KATNIP: variants seen among roughly 807,000 people sequenced by gnomAD.
KATNIP encodes katanin-interacting protein.
A neutral mutation model predicts 174.0 loss-of-function variants in KATNIP; 126 were observed. The observed-to-expected ratio is 0.72, with a 90% confidence interval of 0.63 to 0.84. The LOEUF is 0.84. Ranked by LOEUF, KATNIP falls within the 40% of genes least tolerant of loss-of-function variation. The probability of loss-of-function intolerance (pLI) is 0.00; values close to 1 mark genes in which losing one functional copy is unlikely to be tolerated. For synonymous variants in KATNIP, 810 were observed against 835.7 expected (o/e 0.97, Z 0.53); for missense variants, 1,958 against 2,109.7 (o/e 0.93, Z 1.41).
At chr16:27,713,816 A>G (rs1426798951) in intron 13 of KATNIP, among the ~76,000 whole-genome samples, 29 of 28,020 alleles carry the variant, frequency 1.0e-3, no homozygotes, top group African/African-American at 6.8e-3. Flanking sequence ...ATACATATAT[A>G]TATATATATA....
At chr16:27,707,601 A>G (rs941202799) in intron 12 of KATNIP, among the ~76,000 whole-genome samples, 3 of 152,266 alleles carry the variant, frequency 2.0e-5, no homozygotes, top group African/African-American at 7.2e-5. Flanking sequence ...GTCCAAGGCC[A>G]GGGGGCCATG....
chr16:27,551,845 T>G (rs2089386453), intron 1 of KATNIP, among the ~76,000 whole-genome samples: 1 of 151,804 alleles, frequency 6.6e-6, no homozygotes, highest in South Asian at 2.1e-4. Context: ...AGGGCGAGAC[T>G]CTGTCTCAAA....
rs1049196566 is a variant in KATNIP, at chr16:27,552,764, G to A, written c.7+2587G>A. ...GGCTGGAGTGCAATGGCCTGATCTC[G>A]GCTCACCGCAACCTCCGCCTCCCGG... is the stretch of plus-strand genomic sequence containing the variant. On this transcript the variant is annotated intron_variant, in intron 1 of 27. Coordinates refer to ENST00000261588, the MANE Select transcript of KATNIP (RefSeq NM_015202.5). Among the ~76,000 whole-genome samples, 7 of 131,670 alleles carry A rather than the reference G, an allele frequency of 5.3e-5. No individual in the cohort carries two copies. The South Asian group carries it at 7.3e-4, about 14-fold the overall frequency. 86.4% of individuals were successfully genotyped at this position (131,670 alleles called of 152,430 possible). A position where few individuals can be genotyped will look rare whatever the true frequency, so the allele number is the denominator to read the frequency against.
intron 2 of KATNIP, among the ~76,000 whole-genome samples, chr16:27,592,357 C>T (rs1169234615): frequency 7.3e-6 from 1 of 137,034 alleles, no homozygotes; most frequent in East Asian, 2.2e-4. Context: ...GATCTTGGCT[C>T]ACTGCAACCT....
At chr16:27,552,691 T>G (rs867040363) in intron 1 of KATNIP, among the ~76,000 whole-genome samples, 4 of 145,136 alleles carry the variant, frequency 2.8e-5, no homozygotes, top group African/African-American at 5.1e-5. Flanking sequence ...TGGCAGTTTT[T>G]TTTTTTTTTT....
At chr16:27,703,843 CTT>C in intron 11 of KATNIP, 51 bp from the exon 12 acceptor site, 5 of 1,341,342 alleles carry the variant, frequency 3.7e-6, no homozygotes, top group Non-Finnish European at 4.3e-6. Context: ...GGAATGTTCT[CTT>C]TTGTGTATCA....
chr16:27,707,390 G>A (rs927120340), intron 12 of KATNIP, among the ~76,000 whole-genome samples: 18 of 152,222 alleles, frequency 1.2e-4, no homozygotes, highest in Non-Finnish European at 1.8e-4. Context: ...GCAGACAGCC[G>A]ACGCAGGAAG....
rs74013514 is a variant in KATNIP at position 27,776,683 on chromosome 16, G to A, written c.4450-245G>A. On this transcript the variant is annotated intron_variant, in intron 24 of 27. Coordinates refer to ENST00000261588, the MANE Select transcript of KATNIP (RefSeq NM_015202.5). This position sits in a 1 kb window ranked among gnomAD's most constrained non-coding sequence, Gnocchi z 4.7. Reference sequence around the variant, plus strand: ...CCACTGGCATTTAAATGAGGGCTCCGACAGGCCCAAGAACACAGGCCCTCC... The same window carrying A: ...CCACTGGCATTTAAATGAGGGCTCCAACAGGCCCAAGAACACAGGCCCTCC... Among the ~76,000 whole-genome samples, 414 of 152,304 alleles carry A rather than the reference G, an allele frequency of 2.7e-3. 2 individuals carry two copies. The highest frequency in any genetic ancestry group is 9.1e-3 in the African/African-American group (378 of 41,564).
chr16:27,550,166 T>A lies in KATNIP; in HGVS notation c.-5T>A. On this transcript the variant is annotated 5_prime_UTR_variant, in exon 1 of 28. Coordinates refer to ENST00000261588, the MANE Select transcript of KATNIP (RefSeq NM_015202.5). ...TTCGAGCTCCCGGAACCGCCGCCTC[T>A]AGGGATGGACGGTGAGTGTCTGTGG... 1.2e-6 allele frequency: 2 copies of A among 1,612,440 alleles called. No individual in the cohort carries two copies. Among genetic ancestry groups the A allele is most frequent in the South Asian group, 2.2e-5 (2 of 90,954 alleles).
intron 13 of KATNIP, among the ~76,000 whole-genome samples, chr16:27,714,540 G>A (rs1166477976): frequency 1.3e-5 from 2 of 152,114 alleles, no homozygotes; most frequent in Admixed American, 1.3e-4. Flanking sequence ...GGTTCTTTGA[G>A]AGGATTAACA....
chr16:27,722,270 A>G (rs990960610), intron 14 of KATNIP: 1 of 152,102 alleles, frequency 6.6e-6, no homozygotes, highest in Admixed American at 6.6e-5. Flanking sequence ...CTCTGGTTCT[A>G]TTTTTTATTT....
intron 1 of KATNIP, 29 bp from the exon 2 acceptor site, chr16:27,573,872 A>G: frequency 6.2e-7 from 1 of 1,613,162 alleles, no homozygotes; most frequent in Non-Finnish European, 8.5e-7. Context: ...AACAGCCTTA[A>G]TCTTGGTTCT....
Position 27,777,720 on chromosome 16 carries a change from C to T in KATNIP, c.4662C>T (p.Leu1554=), listed in dbSNP as rs2082550090. 1 of 1,614,064 alleles carries T rather than the reference C, an allele frequency of 6.2e-7. No homozygotes were observed. Among genetic ancestry groups the T allele is most frequent in the South Asian group, 1.1e-5 (1 of 91,080 alleles). The change falls in exon 26 of 28, where the codon CTC becomes CTT. Residue 1554 remains leucine, a synonymous_variant. Coordinates refer to ENST00000261588, the MANE Select transcript of KATNIP (RefSeq NM_015202.5). This position sits in a 1 kb window ranked among gnomAD's most constrained non-coding sequence, Gnocchi z 4.4. ...CEPTVPYHTI[L]FTEDRDIRHQ... ...CCACCGTGCCCTACCACACCATCCTCTTCACCGAGGACAGGGACATCCGCC... is the reference window on the plus strand; with the variant it reads ...CCACCGTGCCCTACCACACCATCCTTTTCACCGAGGACAGGGACATCCGCC...
chr16:27,551,620 C>T (rs1267338421), intron 1 of KATNIP, among the ~76,000 whole-genome samples: 1 of 152,146 alleles, frequency 6.6e-6, no homozygotes, highest in Non-Finnish European at 1.5e-5. Context: ...GGCATGGACT[C>T]GTGCCTGTAA....
chr16:27,720,306 G>A (rs1051858293), intron 13 of KATNIP, among the ~76,000 whole-genome samples: 5 of 151,886 alleles, frequency 3.3e-5, no homozygotes, highest in African/African-American at 9.7e-5. Context: ...GGCCAGGCTG[G>A]TCTCGAGCTC....
intron 13 of KATNIP, among the ~76,000 whole-genome samples, chr16:27,715,480 G>A (rs2079890662): frequency 6.6e-6 from 1 of 152,050 alleles, no homozygotes; most frequent in African/African-American, 2.4e-5. Context: ...TGCTTCAGAT[G>A]ACACTGTCAA....
intron 1 of KATNIP, among the ~76,000 whole-genome samples, chr16:27,567,657 G>A (rs1187214923): frequency 6.6e-6 from 1 of 152,174 alleles, no homozygotes; most frequent in Non-Finnish European, 1.5e-5. Flanking sequence ...CCGAGTAGCT[G>A]GCATTACAGG....
intron 12 of KATNIP, 80 bp downstream of exon 12, chr16:27,704,078 T>G: frequency 8.9e-7 from 1 of 1,121,508 alleles, no homozygotes; most frequent in South Asian, 1.3e-5. Context: ...TGAGGATTGC[T>G]CTGACAGTGG....
At chr16:27,590,117 A>G (rs906782384) in intron 2 of KATNIP, among the ~76,000 whole-genome samples, 4 of 152,078 alleles carry the variant, frequency 2.6e-5, no homozygotes, top group African/African-American at 7.2e-5. Flanking sequence ...CTTGTTTGAT[A>G]GATGCAATGT....
Sources: allele counts gnomAD v4.1 joint callset (sites outside exome capture counted in the v4.1 genomes callset), GRCh38; gene constraint gnomAD v4.1.1; non-coding constraint Gnocchi (gnomAD v3.1); transcripts MANE v1.5; gene names NCBI Gene and HGNC (gene_info 2026-07-23, HGNC 2026-07-21).